Variants in PGAP4 observed in about 807,000 individuals in gnomAD.
The protein encoded by PGAP4 is post-GPI attachment to proteins GalNAc transferase 4, also known as GPI-N-acetylgalactosamine transferase PGAP4.
PGAP4 carries 12 observed loss-of-function variants against 28.2 expected under a neutral mutation model. That is an observed-to-expected ratio of 0.42 (90% confidence interval 0.27 to 0.69). PGAP4 has a LOEUF of 0.69. Ranked by LOEUF, PGAP4 falls within the 30% of genes least tolerant of loss-of-function variation. The probability of loss-of-function intolerance (pLI) is 0.22; values close to 1 mark genes in which losing one functional copy is unlikely to be tolerated. For synonymous variants in PGAP4, 205 were observed against 211.8 expected (o/e 0.97, Z 0.28); for missense variants, 425 against 513.5 (o/e 0.83, Z 1.67).
At chr9:101,502,087 C>G (rs16920438) in intron 2 of PGAP4, among the ~76,000 whole-genome samples, 23,188 of 152,060 alleles carry the variant, frequency 0.15, 2,385 homozygotes, top group East Asian at 0.36. Flanking sequence ...CCAAACACAT[C>G]TCAGGGTAGG....
intron 2 of PGAP4, among the ~76,000 whole-genome samples, chr9:101,510,788 G>A (rs1489605632): frequency 1.3e-5 from 2 of 152,036 alleles, no homozygotes; most frequent in East Asian, 1.9e-4. Flanking sequence ...ATAAAATAAC[G>A]GGCGGGCCAC....
chr9:101,495,631 C>T (rs953408383), intron 2 of PGAP4, among the ~76,000 whole-genome samples: 124 of 149,018 alleles, frequency 8.3e-4, no homozygotes, highest in African/African-American at 2.8e-3. Flanking sequence ...GGCTAAATAA[C>T]ATGTATTTAT....
At chr9:101,497,714 C>G (rs1362061899) in intron 2 of PGAP4, among the ~76,000 whole-genome samples, 5 of 151,446 alleles carry the variant, frequency 3.3e-5, no homozygotes, top group African/African-American at 9.7e-5. Context: ...TAAAGATTTA[C>G]TTAAGTCATG....
chr9:101,492,032 T>G (rs899757334), upstream of PGAP4, among the ~76,000 whole-genome samples: 3 of 151,872 alleles, frequency 2.0e-5, no homozygotes, highest in Non-Finnish European at 2.9e-5. Flanking sequence ...CTGATTTTTT[T>G]CAGTTCTATC....
In PGAP4 at chr9:101,497,627, G is replaced by C. The variant is rs1826763028; in HGVS notation, c.-164-8427C>G. ...TAAAGTTGTCTGACCAGTAAACCCA[G>C]GCGAAAATGTATGTTGACAATTTTG... On this transcript the variant is annotated intron_variant, in intron 2 of 3. Transcript: ENST00000374851. 2.0e-5 allele frequency among the ~76,000 whole-genome samples: 3 copies of C among 151,262 alleles called. No homozygotes were observed. In the South Asian group the frequency reaches 6.3e-4, roughly 32 times the overall value.
intron 2 of PGAP4, among the ~76,000 whole-genome samples, chr9:101,516,003 T>C (rs1826940694): frequency 6.6e-6 from 1 of 152,138 alleles, no homozygotes; most frequent in Non-Finnish European, 1.5e-5. Flanking sequence ...TTAGTGGTTC[T>C]ACATGGTAAA....
Position 101,476,372 on chromosome 9 carries a change from G to T in PGAP4, c.721C>A (p.Leu241Ile). Reference protein sequence around the residue: ...RFSEPHLRDALYLKLYHPERL... With the variant: ...RFSEPHLRDAIYLKLYHPERL... ...TCGGGGTGATACAGCTTGAGATAAA[G>T]GGCATCTCTGAGATGTGGCTCAGAG... The change falls in exon 2 of 2, where the codon CTT (leucine) becomes ATT (isoleucine). Residue 241 changes from leucine to isoleucine, a missense_variant. Coordinates refer to ENST00000374848, the MANE Select transcript of PGAP4 (RefSeq NM_032342.3). The surrounding 1 kb of genome is among the most constrained non-coding windows in gnomAD (Gnocchi z 7.0). The T allele has an allele frequency of 1.2e-6, 2 of 1,614,036 alleles. No homozygotes were observed. Among genetic ancestry groups the T allele is most frequent in the South Asian group, 2.2e-5 (2 of 91,058 alleles).
upstream of PGAP4, among the ~76,000 whole-genome samples, chr9:101,488,884 G>A (rs1275556336): frequency 6.6e-6 from 1 of 152,104 alleles, no homozygotes; most frequent in Non-Finnish European, 1.5e-5. Context: ...TAGAGAGTAA[G>A]GATTCAGCTA....
chr9:101,490,294 A>G (rs140939981), upstream of PGAP4, among the ~76,000 whole-genome samples: 277 of 152,264 alleles, frequency 1.8e-3, 2 homozygotes, highest in Admixed American at 2.6e-3. Context: ...AGTTCCAGCA[A>G]TTCTCATGCC....
chr9:101,488,173 C>G (rs4097641), upstream of PGAP4, among the ~76,000 whole-genome samples: 32,740 of 152,092 alleles, frequency 0.22, 3,989 homozygotes, highest in East Asian at 0.42. Flanking sequence ...TTCTGACATA[C>G]TGCCATCACT....
chr9:101,530,302 G>C (rs559763824), intron 2 of PGAP4, among the ~76,000 whole-genome samples: 1 of 152,302 alleles, frequency 6.6e-6, no homozygotes, highest in African/African-American at 2.4e-5. Flanking sequence ...ATGCCACCTT[G>C]TGGCAGAATT....
chr9:101,499,130 A>G (rs77258123), intron 2 of PGAP4, among the ~76,000 whole-genome samples: 2,103 of 152,182 alleles, frequency 0.014, 20 homozygotes, highest in Non-Finnish European at 0.018. Flanking sequence ...AAGACTGGAA[A>G]AAAAAGTATT....
At chr9:101,501,937 G>A in intron 2 of PGAP4, 1 of 346,114 alleles carries the variant, frequency 2.9e-6, no homozygotes, top group South Asian at 2.5e-5. Flanking sequence ...GTCGCCACCA[G>A]GCCCTGGGCT....
rs200380045 is a variant in PGAP4 at position 101,476,958 on chromosome 9, T to A, written c.135A>T (p.Arg45=). The part of the protein sequence containing the change: ...FGLLAPLACH[R]LLHSYFYLRH... The stretch of plus-strand genomic sequence containing the variant: ...GCAGATAGAAGTAAGAGTGTAGAAG[T>A]CGGTGACAGGCCAGGGGGGCCAGCA... Residue 45 remains arginine, a synonymous_variant, in exon 2 of 2, where the codon CGA becomes CGT. Transcript: ENST00000374848. This position sits in a 1 kb window ranked among gnomAD's most constrained non-coding sequence, Gnocchi z 7.0. The A allele has an allele frequency of 3.1e-6, 5 of 1,614,042 alleles. No individual in the cohort carries two copies. Among genetic ancestry groups the A allele is most frequent in the Non-Finnish European group, 4.2e-6 (5 of 1,180,002 alleles).
intron 2 of PGAP4, among the ~76,000 whole-genome samples, chr9:101,521,112 G>T (rs1301752449): frequency 1.3e-5 from 2 of 152,138 alleles, no homozygotes; most frequent in South Asian, 4.1e-4. Flanking sequence ...TTGTTGGATT[G>T]GGTTAGCTAC....
At chr9:101,526,142 G>A (rs1272634833) in intron 2 of PGAP4, among the ~76,000 whole-genome samples, 1 of 152,154 alleles carries the variant, frequency 6.6e-6, no homozygotes, top group African/African-American at 2.4e-5. Flanking sequence ...ACAGCTTGAA[G>A]CAACACATCT....
At chr9:101,518,348 G>A (rs1014196046) in intron 2 of PGAP4, among the ~76,000 whole-genome samples, 13 of 151,920 alleles carry the variant, frequency 8.6e-5, no homozygotes, top group East Asian at 1.9e-4. Context: ...GTTCTTTAGC[G>A]GTGACTTGTG....
chr9:101,507,054 A>G lies in PGAP4; in HGVS notation c.-164-17854T>C, dbSNP rs533429291. ...CTTCCTTAGCATTCTAGTTGACCCC[A>G]ACAGTCAATATCTGTTTGCTTTCAC... On this transcript the variant is annotated intron_variant, in intron 2 of 3. Coordinates refer to the PGAP4 transcript ENST00000374851. Among the ~76,000 whole-genome samples, 30 of 152,194 alleles carry G rather than the reference A, an allele frequency of 2.0e-4. No homozygotes were observed. The South Asian group carries it at 6.2e-3, about 32-fold the overall frequency.
intron 2 of PGAP4, among the ~76,000 whole-genome samples, chr9:101,494,361 T>C (rs937312411): frequency 6.6e-6 from 1 of 151,936 alleles, no homozygotes; most frequent in Non-Finnish European, 1.5e-5. Flanking sequence ...AGTAAATGTT[T>C]TCATCTTTGT....
Sources: gnomAD v4.1 joint callset for allele counts (sites outside exome capture counted in the v4.1 genomes callset) on GRCh38, gnomAD v4.1.1 for gene constraint, Gnocchi (gnomAD v3.1) non-coding constraint, MANE v1.5 for transcripts, NCBI Gene and HGNC (gene_info 2026-07-23, HGNC 2026-07-21) for gene names.